The following ACOX3 variants were observed in gnomAD, a reference collection of about 807,000 sequenced individuals.
The protein encoded by ACOX3 is peroxisomal acyl-coenzyme A oxidase 3.
ACOX3 carries 73 observed loss-of-function variants against 81.5 expected under a neutral mutation model. That is an observed-to-expected ratio of 0.90 (90% CI 0.74 to 1.09). The LOEUF (loss-of-function observed/expected upper bound fraction) is 1.09. ACOX3 is among the 50% of genes least tolerant of loss of function. ACOX3 has a pLI of 0.00. For synonymous variants in ACOX3, 387 were observed against 375.1 expected, an observed-to-expected ratio of 1.03 and a Z score of -0.37; for missense variants, 947 against 928.0, an observed-to-expected ratio of 1.02 and a Z score of -0.27.
At position 8,440,005 on chromosome 4, in the gene ACOX3, T is replaced by A. The variant is rs946926370; in HGVS notation, c.-15+643A>T. 1.8e-4 allele frequency among the ~76,000 whole-genome samples: 27 copies of A among 150,204 alleles called. 1 individual carries two copies. The highest frequency in any genetic ancestry group is 9.6e-4 in the East Asian group (5 of 5,186). On this transcript the variant is annotated intron_variant, in intron 1 of 17. Transcript: ENST00000356406. Reference sequence around the variant, plus strand: ...ACGTGGCCCTAGGAGTTAAAAAAAATAATAATAATAACATCAACCCCCGAC... The same window carrying A: ...ACGTGGCCCTAGGAGTTAAAAAAAAAAATAATAATAACATCAACCCCCGAC...
At chr4:8,371,474 A>C (rs1470611532) in intron 16 of ACOX3, among the ~76,000 whole-genome samples, 2 of 152,254 alleles carry the variant, frequency 1.3e-5, no homozygotes, top group Non-Finnish European at 2.9e-5. Flanking sequence ...TGGACAAATT[A>C]TTCTTCAATA....
rs993428218 is a variant in ACOX3 at position 8,382,668 on chromosome 4, T to C, written c.1538-1061A>G. Among the ~76,000 whole-genome samples, 1 of 152,202 alleles carries C rather than the reference T, an allele frequency of 6.6e-6. No homozygotes were observed. The highest frequency in any genetic ancestry group is 1.5e-5 in the Non-Finnish European group (1 of 68,030). On this transcript the variant is annotated intron_variant, in intron 13 of 17. Coordinates refer to ENST00000356406, the MANE Select transcript of ACOX3 (RefSeq NM_003501.3). The surrounding 1 kb of genome is among the most constrained non-coding windows in gnomAD (Gnocchi z 4.1). ...CTCAGTGGGGCTTGGGATTTCCTTC[T>C]ATGTCACACAGCCCAGGTCACTGGG...
rs921822472 is a variant in ACOX3 at position 8,382,023 on chromosome 4, G to A, written c.1538-416C>T. ...ATGGGCAGCAGGACAACTGGCCGGC[G>A]GTGGCGCCCAGTGGCGAGAGGAAGG... is the stretch of plus-strand genomic sequence containing the variant. On this transcript the variant is annotated intron_variant, in intron 13 of 17. Coordinates refer to ENST00000356406, the MANE Select transcript of ACOX3 (RefSeq NM_003501.3). The surrounding 1 kb of genome is among the most constrained non-coding windows in gnomAD (Gnocchi z 4.1). Among the ~76,000 whole-genome samples, 24 of 152,262 alleles carry A rather than the reference G, an allele frequency of 1.6e-4. No homozygotes were observed. Among genetic ancestry groups the A allele is most frequent in the Non-Finnish European group, 2.8e-4 (19 of 68,042 alleles).
chr4:8,435,770 G>T (rs1381282608), intron 1 of ACOX3, among the ~76,000 whole-genome samples: 1 of 152,200 alleles, frequency 6.6e-6, no homozygotes, highest in Admixed American at 6.5e-5. Context: ...GTTGAAAAGG[G>T]GAGTCCCAGA....
chr4:8,377,256 G>A (rs948718674), intron 14 of ACOX3, among the ~76,000 whole-genome samples: 5 of 152,164 alleles, frequency 3.3e-5, no homozygotes, highest in African/African-American at 4.8e-5. Context: ...CCTGTGCCCC[G>A]CACCACTCTC....
rs1465911612 is a variant in ACOX3 at position 8,431,168 on chromosome 4, C to T, written c.-15+9480G>A. Among the ~76,000 whole-genome samples, 1 of 152,210 alleles carries T rather than the reference C, an allele frequency of 6.6e-6. No individual in the cohort carries two copies. The highest frequency in any genetic ancestry group is 1.5e-5 in the Non-Finnish European group (1 of 68,036). ...GCCTTGGCCAGGTCCTCAGGCTCCC[C>T]TCCCTTCTCTGCCTGTCCCTTTTCA... is the stretch of plus-strand genomic sequence containing the variant. On this transcript the variant is annotated intron_variant, in intron 1 of 17. Coordinates refer to ENST00000356406, the MANE Select transcript of ACOX3 (RefSeq NM_003501.3). This position sits in a 1 kb window ranked among gnomAD's most constrained non-coding sequence, Gnocchi z 5.3.
In ACOX3 at chr4:8,385,177, C is replaced by T. The variant is rs1718159187; in HGVS notation, c.1538-3570G>A. 6.6e-6 allele frequency among the ~76,000 whole-genome samples: 1 copy of T among 152,168 alleles called. No homozygotes were observed. The highest frequency in any genetic ancestry group is 1.9e-4 in the East Asian group (1 of 5,182). On this transcript the variant is annotated intron_variant, in intron 13 of 17. Coordinates refer to ENST00000356406, the MANE Select transcript of ACOX3 (RefSeq NM_003501.3). The surrounding 1 kb of genome is among the most constrained non-coding windows in gnomAD (Gnocchi z 5.5). ...GCGGGGGGCAGTGCTGACCCAATAG[C>T]CTGTGCTCCCACCCTCTGGGAGCAC...
intron 1 of ACOX3, among the ~76,000 whole-genome samples, chr4:8,435,356 C>T (rs1271016906): frequency 2.0e-5 from 3 of 152,318 alleles, no homozygotes; most frequent in African/African-American, 7.2e-5. Flanking sequence ...ATTAGCCAGG[C>T]GTGCTGGCGG....
intron 5 of ACOX3, 91 bp from the exon 6 acceptor site, chr4:8,410,446 C>T (rs1258015996): frequency 2.0e-6 from 3 of 1,495,202 alleles, no homozygotes; most frequent in African/African-American, 1.4e-5. Context: ...CCATTTTCTA[C>T]GTTCAAAATC....
rs768252090 is a variant in ACOX3, at chr4:8,367,073, T to C, written c.1991A>G (p.Lys664Arg). 2 of 1,613,952 alleles carry C rather than the reference T, an allele frequency of 1.2e-6. No individual in the cohort carries two copies. Among genetic ancestry groups the C allele is most frequent in the Admixed American group, 1.7e-5 (1 of 60,016 alleles). ...PIGRADGELYKNLWGAVLQES... is the reference protein window; with the variant it reads ...PIGRADGELYRNLWGAVLQES... ...CTGCAGGACAGCGCCCCAGAGGTTT[T>C]TGTAGAGCTGCAAACAACACGTACA... Residue 664 changes from lysine to arginine, a missense_variant, in exon 18 of 18, where the codon AAA (lysine) becomes AGA (arginine). Transcript: ENST00000356406.
Position 8,386,920 on chromosome 4 carries a change from C to T in ACOX3, c.1537+2253G>A, listed in dbSNP as rs1321851111. ...TCGGGGGCTGCTATCACATCCACGG[C>T]GTCGGTCCTGATGGCTGGAACGCGT... On this transcript the variant is annotated intron_variant, in intron 13 of 17. Transcript: ENST00000356406. This position sits in a 1 kb window ranked among gnomAD's most constrained non-coding sequence, Gnocchi z 5.2. Among the ~76,000 whole-genome samples the T allele has an allele frequency of 1.3e-5, 2 of 152,236 alleles. No individual in the cohort carries two copies. Among genetic ancestry groups the T allele is most frequent in the African/African-American group, 4.8e-5 (2 of 41,472 alleles).
At chr4:8,395,549 C>G (rs1396945972) in intron 9 of ACOX3, among the ~76,000 whole-genome samples, 2 of 152,216 alleles carry the variant, frequency 1.3e-5, no homozygotes, top group African/African-American at 2.4e-5. Context: ...CTTTGTTAAT[C>G]CTCACACTGA....
At chr4:8,398,960 C>T (rs547422908) in intron 8 of ACOX3, among the ~76,000 whole-genome samples, 13 of 152,168 alleles carry the variant, frequency 8.5e-5, no homozygotes, top group Admixed American at 3.9e-4. Context: ...TCCCACTCTG[C>T]GCACCCTGTG....
rs1336566526 is a variant in ACOX3 at position 8,410,271 on chromosome 4, A to C, written c.628T>G (p.Phe210Val). The C allele has an allele frequency of 1.9e-6, 3 of 1,614,108 alleles. No individual in the cohort carries two copies. Among genetic ancestry groups the C allele is most frequent in the East Asian group, 4.5e-5 (2 of 44,888 alleles). ...MGKTATHAVV[F>V]AKLCVPGDQC... ...TCCCCTGGCACACACAGCTTAGCAA[A>C]CACCACCGCGTGAGTGGCTGTCTTG... The change falls in exon 6 of 18, where the codon TTT becomes GTT. Residue 210 changes from phenylalanine to valine, a missense_variant. Transcript: ENST00000356406.
intron 13 of ACOX3, among the ~76,000 whole-genome samples, chr4:8,387,598 C>T (rs1017602641): frequency 1.3e-4 from 20 of 152,184 alleles, no homozygotes; most frequent in African/African-American, 4.1e-4. Flanking sequence ...CTCTGTGATA[C>T]GCGGCTTTAC....
At chr4:8,411,661 T>C (rs1008636784) in intron 5 of ACOX3, among the ~76,000 whole-genome samples, 2 of 152,176 alleles carry the variant, frequency 1.3e-5, no homozygotes, top group African/African-American at 4.8e-5. Flanking sequence ...CACAGATCTT[T>C]CCCACTGTCT....
intron 14 of ACOX3, among the ~76,000 whole-genome samples, chr4:8,379,622 C>A (rs1190809057): frequency 6.6e-6 from 1 of 152,180 alleles, no homozygotes; most frequent in Admixed American, 6.5e-5. Context: ...TGGGGTCACA[C>A]ATGCCAGGTC....
Position 8,381,541 on chromosome 4 carries a change from T to A in ACOX3, c.1604A>T (p.Gln535Leu), listed in dbSNP as rs1285497784. ...GTCACTGCTTCCTGATCTTTTCTCT[T>A]GGTTTAATTTTTGATAAGTCTCTCG... ...LLRETYQKLN[Q>L]EKRSGSSDFE... is the part of the protein sequence containing the mutation. The change falls in exon 14 of 18, where the codon CAA becomes CTA. Residue 535 changes from glutamine (Q) to leucine (L), a missense_variant. By Grantham distance (113) the Gln-to-Leu change is moderately radical. Coordinates refer to ENST00000356406, the MANE Select transcript of ACOX3 (RefSeq NM_003501.3). The surrounding 1 kb of genome is among the most constrained non-coding windows in gnomAD (Gnocchi z 4.3). The A allele has an allele frequency of 6.2e-7, 1 of 1,614,106 alleles. No homozygotes were observed. Among genetic ancestry groups the A allele is most frequent in the Non-Finnish European group, 8.5e-7 (1 of 1,180,008 alleles).
the ACOX3 span, chr4:8,357,095 G>A: frequency 2.2e-6 from 1 of 453,836 alleles, no homozygotes; most frequent in South Asian, 1.6e-5. Context: ...TGGCAGGTGA[G>A]AGGAAGAAAG....
Sources: allele counts gnomAD v4.1 joint callset (sites outside exome capture counted in the v4.1 genomes callset), GRCh38; gene constraint gnomAD v4.1.1; non-coding constraint Gnocchi (gnomAD v3.1); transcripts MANE v1.5; gene names NCBI Gene and HGNC (gene_info 2026-07-23, HGNC 2026-07-21).